ZFAT: variants seen among roughly 807,000 people sequenced by gnomAD.
The protein encoded by ZFAT is zinc finger protein ZFAT.
A neutral mutation model predicts 117.7 loss-of-function variants in ZFAT; 64 were observed. The observed-to-expected ratio is 0.54, with a 90% CI of 0.44 to 0.67. The LOEUF is 0.67. Ranked by LOEUF, ZFAT falls within the 30% of genes least tolerant of loss-of-function variation. ZFAT has a pLI of 0.00. For synonymous variants in ZFAT, 679 were observed against 615.0 expected, an observed-to-expected ratio of 1.10 and a Z score of -1.54; for missense variants, 1,433 against 1,584.5, an observed-to-expected ratio of 0.90 and a Z score of 1.62.
the ZFAT span, among the ~76,000 whole-genome samples, chr8:134,762,620 G>T: frequency 1.3e-5 from 2 of 152,120 alleles, no homozygotes; most frequent in Non-Finnish European, 2.9e-5. Context: ...TTTGGTCTTT[G>T]TGTGTCTTGC....
intron 5 of ZFAT, among the ~76,000 whole-genome samples, chr8:134,605,687 T>C (rs2130947244): frequency 6.6e-6 from 1 of 152,358 alleles, no homozygotes; most frequent in African/African-American, 2.4e-5. Flanking sequence ...TGGCTCATTT[T>C]CCACAATAGT....
intron 13 of ZFAT, among the ~76,000 whole-genome samples, chr8:134,516,334 G>T (rs915871890): frequency 3.9e-5 from 6 of 152,176 alleles, no homozygotes; most frequent in African/African-American, 1.2e-4. Flanking sequence ...CAGGAGACAC[G>T]CTTTGGATGG....
At chr8:134,753,519 AAAT>A in the ZFAT span, among the ~76,000 whole-genome samples, 1 of 152,224 alleles carries the variant, frequency 6.6e-6, no homozygotes, top group Admixed American at 6.5e-5. Flanking sequence ...TATCCTAAGA[AAAT>A]AATCCAAAAG....
chr8:134,589,605 G>C (rs918476588), intron 8 of ZFAT, among the ~76,000 whole-genome samples: 1 of 152,234 alleles, frequency 6.6e-6, no homozygotes, highest in African/African-American at 2.4e-5. Flanking sequence ...AGTTGCTGGA[G>C]AGTCACAGTG....
chr8:134,796,617 T>C, the ZFAT span: 2 of 152,236 alleles, frequency 1.3e-5, no homozygotes, highest in East Asian at 1.9e-4. Context: ...CATGTGTCAC[T>C]TGACAGACTT....
At chr8:134,620,475 T>C (rs1829037481) in intron 3 of ZFAT, among the ~76,000 whole-genome samples, 2 of 152,218 alleles carry the variant, frequency 1.3e-5, no homozygotes. Flanking sequence ...AAGTCCCCTA[T>C]TGGCTTGTCA....
Position 134,601,906 on chromosome 8 carries a change from A to G in ZFAT, c.1813T>C (p.Ser605Pro), listed in dbSNP as rs763641282. The G allele has an allele frequency of 6.2e-7, 1 of 1,613,996 alleles. No homozygotes were observed. Among genetic ancestry groups the G allele is most frequent in the South Asian group, 1.1e-5 (1 of 91,044 alleles). Residue 605 changes from serine (S) to proline (P), a missense_variant, in exon 6 of 16, where the codon TCC (serine) becomes CCC (proline). Ser to Pro is a moderately conservative substitution (Grantham distance 74, BLOSUM62 -1). Transcript: ENST00000377838. ...TCAGGAGCAGCATGAGCCTCTGCGG[A>G]GGAGGTATCATTTTTCAACAAAAAA... ...DDFLLKNDTS[S>P]AEAHAAPEKP...
At chr8:134,538,953 G>A (rs1451324768) in intron 11 of ZFAT, among the ~76,000 whole-genome samples, 3 of 152,132 alleles carry the variant, frequency 2.0e-5, no homozygotes, top group Non-Finnish European at 2.9e-5. Flanking sequence ...ACCATAGTAT[G>A]AGTATGGGTG....
chr8:134,689,080 G>A (rs1833474220), intron 1 of ZFAT, among the ~76,000 whole-genome samples: 1 of 152,094 alleles, frequency 6.6e-6, no homozygotes, highest in African/African-American at 2.4e-5. Context: ...CTGAAGACTG[G>A]CCAGAACTGG....
chr8:134,731,892 C>T, the ZFAT span, among the ~76,000 whole-genome samples: 1 of 152,156 alleles, frequency 6.6e-6, no homozygotes, highest in Non-Finnish European at 1.5e-5. Flanking sequence ...TTGTCACAGT[C>T]ATTCCTCATA....
chr8:134,488,589 A>G (rs7812708), intron 15 of ZFAT, among the ~76,000 whole-genome samples: 120,785 of 152,208 alleles, frequency 0.79, 48,756 homozygotes, highest in African/African-American at 0.93. Context: ...GACAACTTCT[A>G]GGCCCTCTCT....
At chr8:134,599,092 G>A (rs1827195962) in intron 7 of ZFAT, 1 of 152,130 alleles carries the variant, frequency 6.6e-6, no homozygotes, top group South Asian at 2.1e-4. Context: ...GGCCATAATA[G>A]CGTACTGGAA....
chr8:134,553,059 C>A (rs1041229522), intron 11 of ZFAT, among the ~76,000 whole-genome samples: 3 of 152,180 alleles, frequency 2.0e-5, no homozygotes, highest in African/African-American at 7.2e-5. Flanking sequence ...AATGGTGGGG[C>A]AAGGGCAGGG....
At position 134,603,680 on chromosome 8, in the gene ZFAT, C is replaced by T. The variant is rs556592624; in HGVS notation, c.786-747G>A. Among the ~76,000 whole-genome samples the T allele has an allele frequency of 3.9e-4, 59 of 152,290 alleles. 1 individual carries two copies. In the South Asian group the frequency reaches 5.0e-3, roughly 13 times the overall value. On this transcript the variant is annotated intron_variant, in intron 5 of 15. Coordinates refer to ENST00000377838, the MANE Select transcript of ZFAT (RefSeq NM_020863.4). ...GACCTAAGTCACGAGCTGAGCTCTG[C>T]CTATTTCTGTTGAGGATGTGCCTGC...
At chr8:134,560,175 G>C (rs1038549192) in intron 11 of ZFAT, among the ~76,000 whole-genome samples, 2 of 152,112 alleles carry the variant, frequency 1.3e-5, no homozygotes, top group Non-Finnish European at 2.9e-5. Flanking sequence ...TTGGTATGGG[G>C]TTGTGATGTA....
chr8:134,589,983 C>T (rs1429077169), intron 8 of ZFAT, among the ~76,000 whole-genome samples: 1 of 152,156 alleles, frequency 6.6e-6, no homozygotes, highest in Non-Finnish European at 1.5e-5. Context: ...GCCTCATATG[C>T]GACCCATCGA....
the ZFAT span, among the ~76,000 whole-genome samples, chr8:134,768,942 G>T: frequency 2.6e-5 from 4 of 152,174 alleles, no homozygotes; most frequent in Admixed American, 2.6e-4. Context: ...GGAGGCTGAG[G>T]TGGGCAGATT....
At chr8:134,649,569 A>C (rs905772188) in intron 2 of ZFAT, among the ~76,000 whole-genome samples, 4 of 152,268 alleles carry the variant, frequency 2.6e-5, no homozygotes, top group Non-Finnish European at 5.9e-5. Context: ...AGCAATGAGC[A>C]ATCTGAAAAT....
chr8:134,640,429 G>A (rs984521664), intron 2 of ZFAT, among the ~76,000 whole-genome samples: 1 of 152,164 alleles, frequency 6.6e-6, no homozygotes, highest in Non-Finnish European at 1.5e-5. Context: ...AGACTCAATG[G>A]AGCACAGACA....
Sources: gnomAD v4.1 joint callset for allele counts (sites outside exome capture counted in the v4.1 genomes callset) on GRCh38, gnomAD v4.1.1 for gene constraint, MANE v1.5 for transcripts, NCBI Gene and HGNC (gene_info 2026-07-23, HGNC 2026-07-21) for gene names.